The following MIDEAS variants were observed in gnomAD, a reference collection of about 807,000 sequenced individuals.
MIDEAS encodes mitotic deacetylase-associated SANT domain protein.
In MIDEAS, 26 loss-of-function variants were observed where a neutral mutation model predicts 102.7. The observed-to-expected ratio is 0.25, with a 90% CI of 0.19 to 0.35. The LOEUF (loss-of-function observed/expected upper bound fraction) is 0.35, where lower values mean the gene tolerates loss of function less well. Among genes scored for constraint, MIDEAS ranks in the 10% least tolerant of loss-of-function variants. MIDEAS has a pLI of 1.00. For missense variants in MIDEAS, 1,231 were observed against 1,435.6 expected, an observed-to-expected ratio of 0.86 and a Z score of 2.30; for synonymous variants, 585 against 591.0, an observed-to-expected ratio of 0.99 and a Z score of 0.15.
At chr14:73,780,551 GGT>G (rs1450945731) in intron 1 of MIDEAS, among the ~76,000 whole-genome samples, 1 of 152,216 alleles carries the variant, frequency 6.6e-6, no homozygotes, top group Non-Finnish European at 1.5e-5. Context: ...GCCTCCTGGG[GGT>G]AAGGAGCATG....
Position 73,782,576 on chromosome 14 carries a change from C to T in MIDEAS, c.-248+4526G>A, listed in dbSNP as rs376945404. 7.9e-5 allele frequency among the ~76,000 whole-genome samples: 12 copies of T among 152,204 alleles called. No homozygotes were observed. The South Asian group carries it at 1.7e-3, about 21-fold the overall frequency. On this transcript the variant is annotated intron_variant, in intron 1 of 11. Coordinates refer to the MIDEAS transcript ENST00000394071. ...AACTTCTAGGCTCAAGTGATCCTTC[C>T]GCCTCAGCCTCCCAAAGTGCTGGGA...
Position 73,729,623 on chromosome 14 carries a change from G to T in MIDEAS, c.2095+17C>A. On this transcript the variant is annotated intron_variant, in intron 4 of 12. Coordinates refer to ENST00000423556, the MANE Select transcript of MIDEAS (RefSeq NM_001367710.1). ...CCAGCCCCGCTCCTGCCAGGGTCGC[G>T]GAGGGAGGTCACTCACTAGTCCGGA... 1 of 1,583,674 alleles carries T rather than the reference G, an allele frequency of 6.3e-7. No individual in the cohort carries two copies. Among genetic ancestry groups the T allele is most frequent in the East Asian group, 2.2e-5 (1 of 44,472 alleles).
intron 1 of MIDEAS, among the ~76,000 whole-genome samples, chr14:73,753,164 G>A (rs766372338): frequency 1.1e-4 from 16 of 152,230 alleles, no homozygotes; most frequent in Admixed American, 1.3e-4. Context: ...GCCCACAGCT[G>A]AGTCCTCCAC....
Position 73,739,968 on chromosome 14 carries a change from T to G in MIDEAS, c.41A>C (p.Lys14Thr), listed in dbSNP as rs1229153535. The G allele has an allele frequency of 6.6e-7, 1 of 1,510,448 alleles. No homozygotes were observed. Among genetic ancestry groups the G allele is most frequent in the African/African-American group, 1.4e-5 (1 of 71,492 alleles). The allele number at this position is 1,510,448 out of a possible 1,614,324, so 93.6% of individuals were successfully genotyped here. ...QAQPKAQNKRKRCLFGGQEPA... is the reference protein window; with the variant it reads ...QAQPKAQNKRTRCLFGGQEPA... ...TTCCTGGCCCCCGAAGAGGCAACGC[T>G]TCCGCTTGTTCTGAGCCTTGGGCTG... The change falls in exon 2 of 13, where the codon AAG becomes ACG. Residue 14 changes from lysine to threonine, a missense_variant. Lys to Thr is a moderately conservative substitution (Grantham distance 78). Around this residue, in one of 5 missense-constraint regions of MIDEAS, gnomAD observed 758 missense variants for 856.0 expected, o/e 0.89. Coordinates refer to ENST00000423556, the MANE Select transcript of MIDEAS (RefSeq NM_001367710.1).
intron 1 of MIDEAS, among the ~76,000 whole-genome samples, chr14:73,745,012 G>T (rs1185844001): frequency 6.6e-6 from 1 of 152,200 alleles, no homozygotes. Context: ...TTGGCACTTG[G>T]TTTGTATCTG....
At chr14:73,737,773 C>CTTT (rs5809628) in intron 2 of MIDEAS, among the ~76,000 whole-genome samples, 11 of 89,234 alleles carry the variant, frequency 1.2e-4, no homozygotes, top group East Asian at 5.7e-4. Context: ...TCTCCGACCA[C>CTTT]TTTTTTTTTT....
At chr14:73,773,999 G>A (rs1233366346) in intron 1 of MIDEAS, among the ~76,000 whole-genome samples, 2 of 147,764 alleles carry the variant, frequency 1.4e-5, no homozygotes, top group Non-Finnish European at 3.0e-5. Context: ...TCCAGCCTAG[G>A]TGACAGGGTG....
intron 10 of MIDEAS, 42 bp downstream of exon 10, chr14:73,722,656 C>G: frequency 6.2e-7 from 1 of 1,604,550 alleles, no homozygotes. Context: ...GGTCCCAGAC[C>G]CAGCCCAGGC....
intron 7 of MIDEAS, 45 bp from the exon 8 acceptor site, chr14:73,726,153 C>G (rs777338633): frequency 1.4e-6 from 2 of 1,456,460 alleles, no homozygotes; most frequent in Non-Finnish European, 9.5e-7. Flanking sequence ...ACAGGGGTGT[C>G]GGTGGTGGAC....
At chr14:73,721,628 C>T in intron 10 of MIDEAS, 119 bp from the exon 11 acceptor site, 1 of 855,706 alleles carries the variant, frequency 1.2e-6, no homozygotes, top group South Asian at 1.5e-5. Context: ...CTGGCTGGCC[C>T]AGCATAGTCT....
chr14:73,719,226 C>CCGG, intron 12 of MIDEAS, 79 bp downstream of exon 12: 2 of 1,433,220 alleles, frequency 1.4e-6, no homozygotes, highest in Non-Finnish European at 1.8e-6. Flanking sequence ...ACCTCTTCCC[C>CCGG]CTCCCCTCCA....
chr14:73,782,603 T>C (rs189416468), intron 1 of MIDEAS, among the ~76,000 whole-genome samples: 1 of 152,340 alleles, frequency 6.6e-6, no homozygotes, highest in African/African-American at 2.4e-5. Context: ...GTGCTGGGAT[T>C]ATTGGCATAA....
intron 1 of MIDEAS, among the ~76,000 whole-genome samples, chr14:73,756,283 T>TGA (rs1178511277): frequency 1.1e-5 from 1 of 92,910 alleles, no homozygotes; most frequent in African/African-American, 4.4e-5. Flanking sequence ...TGTGTGTGTG[T>TGA]GTGTGTGTGT....
intron 1 of MIDEAS, among the ~76,000 whole-genome samples, chr14:73,753,427 C>A (rs2140144928): frequency 6.6e-6 from 1 of 152,344 alleles, no homozygotes; most frequent in East Asian, 1.9e-4. Context: ...TGTGTGCTGG[C>A]TTCTCCAATC....
intron 1 of MIDEAS, among the ~76,000 whole-genome samples, chr14:73,743,249 C>G (rs1005049749): frequency 6.6e-6 from 1 of 152,196 alleles, no homozygotes; most frequent in Admixed American, 6.5e-5. Flanking sequence ...CTCATTGGCA[C>G]TGGGAAGCCC....
intron 1 of MIDEAS, among the ~76,000 whole-genome samples, chr14:73,746,512 TCTGGTGAGGGCCTCCTGGGACCG>T (rs1411178354): frequency 2.0e-5 from 3 of 152,158 alleles, no homozygotes; most frequent in African/African-American, 2.4e-5. Flanking sequence ...CCTGAGGCCC[TCTGGTGAGGGCCTCCTGGGACCG>T]CTGGGGTCCT....
In MIDEAS at chr14:73,779,867, G is replaced by A. The variant is rs1226841932; in HGVS notation, c.-248+7235C>T. 5.5e-5 allele frequency among the ~76,000 whole-genome samples: 8 copies of A among 145,828 alleles called. No homozygotes were observed. In the South Asian group the frequency reaches 6.7e-4, roughly 12 times the overall value. On this transcript the variant is annotated intron_variant, in intron 1 of 11. Transcript: ENST00000394071. ...GCTGGGATTACAGGCGTGAGCCACC[G>A]CGCCCGGCCTATTATTTTTTTTTGA...
chr14:73,727,057 A>C, intron 5 of MIDEAS, 85 bp from the exon 6 acceptor site: 1 of 1,498,928 alleles, frequency 6.7e-7, no homozygotes, highest in South Asian at 1.3e-5. Context: ...GAAGAAGATG[A>C]GGGGGAGCCG....
chr14:73,749,514 T>C (rs1275893039), intron 1 of MIDEAS, among the ~76,000 whole-genome samples: 1 of 150,620 alleles, frequency 6.6e-6, no homozygotes, highest in Non-Finnish European at 1.5e-5. Flanking sequence ...CCAGCGTGCA[T>C]GAAAGACCAA....
Sources: allele counts gnomAD v4.1 joint callset (sites outside exome capture counted in the v4.1 genomes callset), GRCh38; gene constraint gnomAD v4.1.1; regional missense constraint gnomAD v4.1.1; transcripts MANE v1.5; gene names NCBI Gene and HGNC (gene_info 2026-07-23, HGNC 2026-07-21).